The following DPP8 variants were observed in gnomAD, a reference collection of about 807,000 sequenced individuals.
DPP8 encodes the protein dipeptidyl peptidase 8, also known as DPP VIII.
DPP8 carries 31 observed loss-of-function variants against 107.5 expected under a neutral mutation model. That is an observed-to-expected ratio of 0.29 (90% CI 0.22 to 0.39). The LOEUF is 0.39. Ranked by LOEUF, DPP8 falls within the 10% of genes least tolerant of loss-of-function variation. DPP8 has a pLI of 1.00. For missense variants in DPP8, 842 were observed against 1,076.1 expected (o/e 0.78, Z 3.04); for synonymous variants, 381 against 356.6 (o/e 1.07, Z -0.77).
chr15:65,452,507 T>C (rs915656064), intron 17 of DPP8, among the ~76,000 whole-genome samples: 7 of 152,064 alleles, frequency 4.6e-5, no homozygotes, highest in Non-Finnish European at 1.0e-4. Flanking sequence ...AAATGAAATA[T>C]ACTAAAAATT....
chr15:65,452,414 G>A (rs1304494290), intron 17 of DPP8, among the ~76,000 whole-genome samples: 3 of 151,722 alleles, frequency 2.0e-5, no homozygotes, highest in African/African-American at 7.3e-5. Flanking sequence ...AGGAAAAAAC[G>A]TGTGAGAACT....
At chr15:65,497,322 G>T (rs527883732) in intron 5 of DPP8, among the ~76,000 whole-genome samples, 133 of 152,130 alleles carry the variant, frequency 8.7e-4, no homozygotes, top group African/African-American at 3.0e-3. Context: ...AGGTTGGAGC[G>T]CAATGGCTCA....
At chr15:65,457,380 C>CT (rs200397261) in intron 15 of DPP8, among the ~76,000 whole-genome samples, 37 of 145,374 alleles carry the variant, frequency 2.5e-4, no homozygotes, top group South Asian at 6.6e-4. Context: ...AAAAGTCATA[C>CT]TTTTTTTTTT....
rs1595809201 is a variant in DPP8, at chr15:65,442,658, A to G, written c.*4226T>C. ...GGCACTTCATGTTCTAAAATTAAAC[A>G]CCTGAATTCCAATTTTGCTGAATAC... On this transcript the variant is annotated 3_prime_UTR_variant, in exon 20 of 20. Transcript: ENST00000300141. 1 of 152,314 alleles carries G rather than the reference A, an allele frequency of 6.6e-6. No individual in the cohort carries two copies. The highest frequency in any genetic ancestry group is 1.9e-4 in the East Asian group (1 of 5,190). 9.4% of individuals were successfully genotyped at this position (152,314 alleles called of 1,614,324 possible).
In DPP8 at chr15:65,446,870, T is replaced by TAC; in HGVS notation, c.*12_*13dup. On this transcript the variant is annotated 3_prime_UTR_variant, in exon 20 of 20. Coordinates refer to ENST00000300141, the MANE Select transcript of DPP8 (RefSeq NM_130434.5). ...ATAGCCAGTGTATACCAGAGAGTTC[T>TAC]ACACAGGTCAAAATTATATCACTTT... 6.2e-7 allele frequency: 1 copy of TAC among 1,606,764 alleles called. No individual in the cohort carries two copies. Among genetic ancestry groups the TAC allele is most frequent in the South Asian group, 1.1e-5 (1 of 89,506 alleles).
At chr15:65,454,758 C>A (rs2064265241) in intron 16 of DPP8, among the ~76,000 whole-genome samples, 1 of 152,206 alleles carries the variant, frequency 6.6e-6, no homozygotes. Flanking sequence ...CTCCTGACCT[C>A]AAGTGATTCA....
intron 8 of DPP8, among the ~76,000 whole-genome samples, chr15:65,482,811 T>C (rs1159014549): frequency 6.6e-6 from 1 of 151,782 alleles, no homozygotes; most frequent in African/African-American, 2.4e-5. Flanking sequence ...TAAAACACAA[T>C]AGGGGCCGGG....
rs574038636 is a variant in DPP8, at chr15:65,481,129, C to T, written c.1118+386G>A. Among the ~76,000 whole-genome samples the T allele has an allele frequency of 2.4e-4, 36 of 152,138 alleles. No individual in the cohort carries two copies. In the East Asian group the frequency reaches 3.9e-3, roughly 16 times the overall value. ...CCTTTAGTATCAATGTCAACAAATG[C>T]CAGTCTTGTGAAACTCCTGTTGTCT... On this transcript the variant is annotated intron_variant, in intron 9 of 19. Coordinates refer to ENST00000300141, the MANE Select transcript of DPP8 (RefSeq NM_130434.5).
chr15:65,448,671 CAAAAA>C (rs56658742), intron 19 of DPP8, among the ~76,000 whole-genome samples: 36 of 57,368 alleles, frequency 6.3e-4, no homozygotes, highest in African/African-American at 1.6e-3. Flanking sequence ...AACTCCATCT[CAAAAA>C]AAAAAAAAAA....
chr15:65,465,503 G>T (rs1037403404), intron 14 of DPP8, among the ~76,000 whole-genome samples: 9 of 150,240 alleles, frequency 6.0e-5, no homozygotes, highest in African/African-American at 2.2e-4. Context: ...TAGCTAGTTA[G>T]TGAAAATACT....
intron 12 of DPP8, among the ~76,000 whole-genome samples, chr15:65,472,389 A>G (rs891761752): frequency 1.5e-4 from 23 of 152,166 alleles, no homozygotes; most frequent in Middle Eastern, 3.4e-3. Context: ...GACTTCCTGC[A>G]CTCAAGCGAT....
chr15:65,450,964 G>A (rs2063931458), intron 19 of DPP8, 35 bp downstream of exon 19: 1 of 1,261,872 alleles, frequency 7.9e-7, no homozygotes, highest in Non-Finnish European at 1.2e-6. Flanking sequence ...CACTAATCAT[G>A]ACTGCATTTA....
chr15:65,469,170 T>A (rs904076487), intron 12 of DPP8, among the ~76,000 whole-genome samples: 2 of 151,706 alleles, frequency 1.3e-5, no homozygotes, highest in African/African-American at 4.8e-5. Flanking sequence ...AGACGGGGTT[T>A]CACCATGTTG....
Position 65,493,461 on chromosome 15 carries a change from T to C in DPP8, c.716-3162A>G, listed in dbSNP as rs558156097. 3.9e-5 allele frequency among the ~76,000 whole-genome samples: 6 copies of C among 152,320 alleles called. No homozygotes were observed. The South Asian group carries it at 1.0e-3, about 26-fold the overall frequency. On this transcript the variant is annotated intron_variant, in intron 5 of 19. Coordinates refer to ENST00000300141, the MANE Select transcript of DPP8 (RefSeq NM_130434.5). ...AGGGTAACCAAATACCTTGCAATCA[T>C]ATACACCAATATTCCTGCAGTAAAC...
chr15:65,487,658 G>T lies in DPP8; in HGVS notation c.955+32C>A, dbSNP rs773746623. On this transcript the variant is annotated intron_variant, in intron 7 of 19. Transcript: ENST00000300141. ...AGAATCTTATTTGGAAAGAGGAAAT[G>T]AGTGAATATAAATGCCAATGGAGTA... The T allele has an allele frequency of 3.2e-6, 5 of 1,585,150 alleles. No individual in the cohort carries two copies. The South Asian group carries it at 5.8e-5, about 18-fold the overall frequency.
intron 10 of DPP8, among the ~76,000 whole-genome samples, chr15:65,479,850 C>CAAAAAAA (rs56303808): frequency 1.5e-5 from 1 of 66,760 alleles, no homozygotes; most frequent in Non-Finnish European, 2.9e-5. Context: ...GACTCCGTCT[C>CAAAAAAA]AAAAAAAAAA....
chr15:65,465,722 A>C (rs971161244), intron 14 of DPP8, among the ~76,000 whole-genome samples: 2 of 151,470 alleles, frequency 1.3e-5, no homozygotes, highest in African/African-American at 4.9e-5. Context: ...CACCCGGCTA[A>C]TTTTTTGTAT....
chr15:65,466,901 G>T, intron 13 of DPP8, 88 bp from the exon 14 acceptor site: 1 of 1,425,342 alleles, frequency 7.0e-7, no homozygotes, highest in Non-Finnish European at 9.6e-7. Context: ...TATAGCAAGA[G>T]TATTATAAGA....
intron 16 of DPP8, among the ~76,000 whole-genome samples, chr15:65,455,210 G>A (rs2064310226): frequency 6.6e-6 from 1 of 152,102 alleles, no homozygotes; most frequent in Admixed American, 6.6e-5. Context: ...AGGGATCACT[G>A]TAGCTCAACC....
Sources: gnomAD v4.1 joint callset for allele counts (sites outside exome capture counted in the v4.1 genomes callset) on GRCh38, gnomAD v4.1.1 for gene constraint, MANE v1.5 for transcripts, NCBI Gene and HGNC (gene_info 2026-07-23, HGNC 2026-07-21) for gene names.